The following PHF3 variants were observed in gnomAD, a reference collection of about 807,000 sequenced individuals.
PHF3 encodes PHD finger protein 3.
Under a neutral mutation model 178.4 loss-of-function variants are expected in PHF3, and 41 were observed. The observed-to-expected ratio is 0.23, with a 90% CI of 0.18 to 0.30. PHF3 has a LOEUF of 0.30. PHF3 is among the 10% of genes least tolerant of loss of function. The pLI, the probability that PHF3 is intolerant of heterozygous loss-of-function variation, is 1.00. For missense variants in PHF3, 2,346 were observed against 2,398.1 expected (o/e 0.98, Z 0.45); for synonymous variants, 842 against 800.5 (o/e 1.05, Z -0.88).
chr6:63,684,331 T>G lies in PHF3; in HGVS notation c.609T>G (p.Asn203Lys), dbSNP rs980870905. 7 of 1,613,852 alleles carry G rather than the reference T, an allele frequency of 4.3e-6. No homozygotes were observed. The highest frequency in any genetic ancestry group is 3.3e-5 in the Admixed American group (2 of 59,988). ...AGGAGAATAGAAGGTGCAGCCGAAA[T>G]AGCGGACAAATTGAAGTGGTACCTG... ...YHKENRRCSR[N>K]SGQIEVVPEV... The change falls in exon 4 of 16, where the codon AAT (asparagine) becomes AAG (lysine). Residue 203 changes from asparagine to lysine, a missense_variant. This residue lies in a region of PHF3 where 843 missense variants were observed against 795.2 expected (regional missense o/e 1.06). Coordinates refer to ENST00000262043, the MANE Select transcript of PHF3 (RefSeq NM_001370348.2).
At chr6:63,673,777 A>G (rs1385533040) in intron 2 of PHF3, among the ~76,000 whole-genome samples, 1 of 152,238 alleles carries the variant, frequency 6.6e-6, no homozygotes. Flanking sequence ...ACCAGGTAAG[A>G]AAAAGTAGCA....
At chr6:63,700,505 CTA>C in intron 9 of PHF3, 39 bp downstream of exon 9, 2 of 1,108,816 alleles carry the variant, frequency 1.8e-6, no homozygotes, top group Non-Finnish European at 2.7e-6. Flanking sequence ...CTATCAAAAT[CTA>C]TGTTTTTCAG....
chr6:63,720,647 TTTAA>T lies in PHF3; in HGVS notation c.*6943_*6946del, dbSNP rs1373607946. 1 of 1,531,112 alleles carries T rather than the reference TTTAA, an allele frequency of 6.5e-7. No individual in the cohort carries two copies. Among genetic ancestry groups the T allele is most frequent in the Non-Finnish European group, 8.8e-7 (1 of 1,137,944 alleles). The allele number at this position is 1,531,112 out of a possible 1,614,324, so 94.8% of individuals were successfully genotyped here. A position where few individuals can be genotyped will look rare whatever the true frequency, so the allele number is the denominator to read the frequency against. On this transcript the variant is annotated 3_prime_UTR_variant, in exon 16 of 16. Coordinates refer to ENST00000262043, the MANE Select transcript of PHF3 (RefSeq NM_001370348.2). ...CATCATAAACATTGTATCCTTCTAA[TTTAA>T]TTAGTTCAATGTTTTTTGGTTCCTG...
At chr6:63,650,261 T>TG (rs1213006109) in intron 2 of PHF3, among the ~76,000 whole-genome samples, 2 of 152,198 alleles carry the variant, frequency 1.3e-5, no homozygotes, top group Non-Finnish European at 2.9e-5. Context: ...GAAACCAAGA[T>TG]GTCCTTTCAA....
chr6:63,702,567 A>C lies in PHF3; in HGVS notation c.3159A>C (p.Ile1053=), dbSNP rs1435037341. 1 of 1,613,020 alleles carries C rather than the reference A, an allele frequency of 6.2e-7. No homozygotes were observed. Among genetic ancestry groups the C allele is most frequent in the Admixed American group, 1.7e-5 (1 of 60,030 alleles). Residue 1053 remains isoleucine (I), a synonymous_variant, in exon 10 of 16, where the codon ATA becomes ATC. Transcript: ENST00000262043. ...REVERRPITK[I]THKGEIEIES... The stretch of plus-strand genomic sequence containing the variant: ...TGGAACGACGGCCAATCACCAAAAT[A>C]ACTCATAAAGGTGAAATAGAAATTG...
In PHF3 at chr6:63,713,346, C is replaced by T. The variant is rs139522675; in HGVS notation, c.5758C>T (p.Arg1920Cys). The change falls in exon 16 of 16, where the codon CGC becomes TGC. Residue 1920 changes from arginine (R) to cysteine (C), a missense_variant. By Grantham distance (180) the Arg-to-Cys change is radical (BLOSUM62 -3). Transcript: ENST00000262043. ...DRPFNRGKGD[R>C]QRFYSDSHHL... ...GCCATTTAATAGGGGTAAAGGGGACCGCCAGAGATTTTATAGTGATTCACA... is the reference window on the plus strand; with the variant it reads ...GCCATTTAATAGGGGTAAAGGGGACTGCCAGAGATTTTATAGTGATTCACA... The T allele has an allele frequency of 6.6e-5, 107 of 1,613,844 alleles. No individual in the cohort carries two copies. The highest frequency in any genetic ancestry group is 3.3e-4 in the Middle Eastern group (2 of 6,058).
chr6:63,658,230 C>G (rs1582021023), intron 2 of PHF3, among the ~76,000 whole-genome samples: 1 of 152,196 alleles, frequency 6.6e-6, no homozygotes, highest in East Asian at 1.9e-4. Flanking sequence ...ACTTCTTAAG[C>G]TTCAGCTCCT....
chr6:63,641,965 A>G (rs1764595936), intron 1 of PHF3, among the ~76,000 whole-genome samples: 1 of 152,014 alleles, frequency 6.6e-6, no homozygotes, highest in South Asian at 2.1e-4. Flanking sequence ...CACTTTCTAA[A>G]TCTCATCTTT....
chr6:63,708,797 G>T (rs571176449), intron 13 of PHF3, among the ~76,000 whole-genome samples: 3 of 152,282 alleles, frequency 2.0e-5, no homozygotes, highest in South Asian at 4.1e-4. Flanking sequence ...GCTACCAAAA[G>T]GGGAGGTTAC....
At chr6:63,659,420 C>T (rs1765373009) in intron 2 of PHF3, among the ~76,000 whole-genome samples, 1 of 152,118 alleles carries the variant, frequency 6.6e-6, no homozygotes, top group Non-Finnish European at 1.5e-5. Flanking sequence ...GTATTGTAGG[C>T]AGATGCAGCT....
rs758940994 is a variant in PHF3 at position 63,709,128 on chromosome 6, C to CTCT, written c.3712-22_3712-21insCTT. ...AAAGATAATCTATATATATTGATCT[C>CTCT]TTTTTTTTTTTTTTAACCATAGGAC... is the stretch of plus-strand genomic sequence containing the variant. On this transcript the variant is annotated intron_variant, in intron 13 of 15. Transcript: ENST00000262043. 20 of 1,102,316 alleles carry CTCT rather than the reference C, an allele frequency of 1.8e-5. No homozygotes were observed. The African/African-American group carries it at 2.7e-4, about 15-fold the overall frequency. The allele number at this position is 1,102,316 out of a possible 1,614,324, so 68.3% of individuals were successfully genotyped here. A position where few individuals can be genotyped will look rare whatever the true frequency, so the allele number is the denominator to read the frequency against.
Position 63,713,012 on chromosome 6 carries a change from C to CAAG in PHF3, c.5425_5427dup (p.Lys1809dup), listed in dbSNP as rs776276415. On this transcript the variant is annotated inframe_insertion, in exon 16 of 16. Transcript: ENST00000262043. Reference sequence around the variant, plus strand: ...CACAGCAGCCCAACCTTCAGCATCTCAAGTCTAGCCCACCTGGATTTCCAT... The same window carrying CAAG: ...CACAGCAGCCCAACCTTCAGCATCTCAAGAAGTCTAGCCCACCTGGATTTCCAT... 5.0e-6 allele frequency: 8 copies of CAAG among 1,614,052 alleles called. No individual in the cohort carries two copies. Among genetic ancestry groups the CAAG allele is most frequent in the Non-Finnish European group, 6.8e-6 (8 of 1,179,976 alleles).
chr6:63,637,014 T>C (rs1389168122), intron 1 of PHF3, among the ~76,000 whole-genome samples: 1 of 152,146 alleles, frequency 6.6e-6, no homozygotes, highest in Non-Finnish European at 1.5e-5. Flanking sequence ...AGAGACTAGA[T>C]TGGGGTGGTT....
chr6:63,676,024 A>T (rs1766150589), intron 2 of PHF3, among the ~76,000 whole-genome samples: 2 of 152,082 alleles, frequency 1.3e-5, no homozygotes, highest in Admixed American at 1.3e-4. Flanking sequence ...CTTTACCTTG[A>T]TGCATCTTTT....
intron 6 of PHF3, among the ~76,000 whole-genome samples, chr6:63,695,185 G>A (rs1396174060): frequency 6.6e-6 from 1 of 152,064 alleles, no homozygotes; most frequent in African/African-American, 2.4e-5. Context: ...AAGATTTTTG[G>A]AGGAGGTACT....
chr6:63,702,019 G>A (rs1449634441), intron 9 of PHF3, among the ~76,000 whole-genome samples: 1 of 152,116 alleles, frequency 6.6e-6, no homozygotes, highest in African/African-American at 2.4e-5. Flanking sequence ...TTGTTCAACC[G>A]AATTTTCAGG....
At position 63,684,218 on chromosome 6, in the gene PHF3, G is replaced by A. The variant is rs1766567025; in HGVS notation, c.496G>A (p.Val166Ile). The stretch of plus-strand genomic sequence containing the variant: ...CACAAAAAAAGCATCTGGGAAGACT[G>A]TATCTACTGCTAAAGCAGGAGTGAA... ...SNTKKASGKT[V>I]STAKAGVKQP... The change falls in exon 4 of 16, where the codon GTA becomes ATA. Residue 166 changes from valine to isoleucine, a missense_variant. Transcript: ENST00000262043. The A allele has an allele frequency of 6.2e-7, 1 of 1,613,902 alleles. No individual in the cohort carries two copies.
chr6:63,710,133 A>C (rs941163657), intron 14 of PHF3, among the ~76,000 whole-genome samples: 5 of 152,206 alleles, frequency 3.3e-5, no homozygotes, highest in African/African-American at 1.2e-4. Flanking sequence ...TAAGCTGAAA[A>C]GAATATTTTG....
chr6:63,636,198 T>C (rs912040313), intron 1 of PHF3, 48 bp downstream of exon 1: 2 of 360,068 alleles, frequency 5.6e-6, no homozygotes, highest in Admixed American at 9.3e-5. Flanking sequence ...AATCCTCCCC[T>C]CCCCCATCCC....
Sources: allele counts gnomAD v4.1 joint callset (sites outside exome capture counted in the v4.1 genomes callset), GRCh38; gene constraint gnomAD v4.1.1; regional missense constraint gnomAD v4.1.1; transcripts MANE v1.5; gene names NCBI Gene and HGNC (gene_info 2026-07-23, HGNC 2026-07-21).